Variants in TSPAN31 observed in about 807,000 individuals in gnomAD.
The protein encoded by TSPAN31 is tetraspanin-31.
TSPAN31 carries 16 observed loss-of-function variants against 24.8 expected under a neutral mutation model. The observed-to-expected ratio is 0.64, with a 90% CI of 0.44 to 0.98. TSPAN31 has a LOEUF of 0.98. Ranked by LOEUF, TSPAN31 falls within the 50% of genes least tolerant of loss-of-function variation. The probability of loss-of-function intolerance (pLI) is 0.00; values close to 1 mark genes in which losing one functional copy is unlikely to be tolerated. For synonymous variants in TSPAN31, 87 were observed against 91.4 expected (o/e 0.95, Z 0.27); for missense variants, 209 against 251.6 (o/e 0.83, Z 1.15).
chr12:57,749,704 A>T lies in TSPAN31; in HGVS notation c.*2414A>T, dbSNP rs3211619. 3,539 of 578,288 alleles carry T rather than the reference A, an allele frequency of 6.1e-3. 46 individuals carry two copies. Among genetic ancestry groups the T allele is most frequent in the African/African-American group, 0.037 (1,947 of 52,890 alleles). The allele number at this position is 578,288 out of a possible 1,614,324, so 35.8% of individuals were successfully genotyped here. ...CAAGCAAGACCTTGTCTCTTTTTTT[A>T]AAAAAAAAGAAATGCCAGGTGCAGC... On this transcript the variant is annotated 3_prime_UTR_variant, in exon 6 of 6. Coordinates refer to ENST00000257910, the MANE Select transcript of TSPAN31 (RefSeq NM_005981.5).
In TSPAN31 at chr12:57,745,226, T is replaced by C. The variant is rs372901495; in HGVS notation, c.63+9T>C. On this transcript the variant is annotated intron_variant, in intron 1 of 5. Coordinates refer to ENST00000257910, the MANE Select transcript of TSPAN31 (RefSeq NM_005981.5). The stretch of plus-strand genomic sequence containing the variant: ...TCAACGTGGTCTACATGGTGAGGTT[T>C]TGGAGGTGGGGGAAGCTTCAAGGCG... 3 of 1,609,440 alleles carry C rather than the reference T, an allele frequency of 1.9e-6. No homozygotes were observed. The African/African-American group carries it at 4.0e-5, about 22-fold the overall frequency.
Position 57,747,377 on chromosome 12 carries a change from G to C in TSPAN31, c.*87G>C, listed in dbSNP as rs1955170062. 7.6e-7 allele frequency: 1 copy of C among 1,310,560 alleles called. No homozygotes were observed. Among genetic ancestry groups the C allele is most frequent in the Non-Finnish European group, 1.1e-6 (1 of 943,050 alleles). 81.2% of individuals were successfully genotyped at this position (1,310,560 alleles called of 1,614,324 possible). ...AATATCTAGGGTCTGTAACCGTTTT[G>C]GTTTGAGAAAAAGGAAAGGCCCCTT... On this transcript the variant is annotated 3_prime_UTR_variant, in exon 6 of 6. Transcript: ENST00000257910.
Position 57,746,163 on chromosome 12 carries a change from C to A in TSPAN31, c.232-13C>A. On this transcript the variant is annotated splice_polypyrimidine_tract_variant and intron_variant, in intron 2 of 5. Coordinates refer to ENST00000257910, the MANE Select transcript of TSPAN31 (RefSeq NM_005981.5). Reference sequence around the variant, plus strand: ...AGGAATCTAGGACTTTTTTCCATAACCTTTCCTCTCAGTACATGATCATCC... The same window carrying A: ...AGGAATCTAGGACTTTTTTCCATAAACTTTCCTCTCAGTACATGATCATCC... The A allele has an allele frequency of 1.2e-6, 2 of 1,611,628 alleles. No homozygotes were observed. The highest frequency in any genetic ancestry group is 8.5e-7 in the Non-Finnish European group (1 of 1,177,940).
Position 57,749,570 on chromosome 12 carries a change from T to C in TSPAN31, c.*2280T>C. On this transcript the variant is annotated 3_prime_UTR_variant, in exon 6 of 6. Coordinates refer to ENST00000257910, the MANE Select transcript of TSPAN31 (RefSeq NM_005981.5). ...GATATCTTAGTTGAATGGTTACTGC[T>C]TAGTGGCTCAAAATAGGAAGTATAG... is the stretch of plus-strand genomic sequence containing the variant. 2 of 1,477,888 alleles carry C rather than the reference T, an allele frequency of 1.4e-6. No individual in the cohort carries two copies. Among genetic ancestry groups the C allele is most frequent in the Admixed American group, 3.4e-5 (2 of 59,464 alleles). The allele number at this position is 1,477,888 out of a possible 1,614,324, so 91.5% of individuals were successfully genotyped here. A position where few individuals can be genotyped will look rare whatever the true frequency, so the allele number is the denominator to read the frequency against.
In TSPAN31 at chr12:57,745,839, G is replaced by A; in HGVS notation, c.158G>A (p.Gly53Glu). 1 of 1,614,118 alleles carries A rather than the reference G, an allele frequency of 6.2e-7. No homozygotes were observed. The highest frequency in any genetic ancestry group is 8.5e-7 in the Non-Finnish European group (1 of 1,180,018). ...ATCATCGGCGGAGTCATTGCTGTGGGAGTCTTCCTTCTCCTTATTGCAGTG... is the reference window on the plus strand; with the variant it reads ...ATCATCGGCGGAGTCATTGCTGTGGAAGTCTTCCTTCTCCTTATTGCAGTG... ...IHIIGGVIAV[G>E]VFLLLIAVAG... Residue 53 changes from glycine (G) to glutamate (E), a missense_variant, in exon 2 of 6, where the codon GGA becomes GAA. Gly to Glu is a moderately conservative substitution (Grantham distance 98, BLOSUM62 -2). Coordinates refer to ENST00000257910, the MANE Select transcript of TSPAN31 (RefSeq NM_005981.5).
intron 3 of TSPAN31, 42 bp from the exon 4 acceptor site, chr12:57,746,547 G>C (rs1387412238): frequency 6.2e-7 from 1 of 1,612,766 alleles, no homozygotes; most frequent in African/African-American, 1.3e-5. Flanking sequence ...ACTGATAACA[G>C]GATGTAGGGA....
chr12:57,745,306 T>G, intron 1 of TSPAN31, 89 bp downstream of exon 1: 4 of 1,394,608 alleles, frequency 2.9e-6, no homozygotes, highest in Non-Finnish European at 3.9e-6. Flanking sequence ...GAGGGGTGTA[T>G]GGGGGTTCCG....
In TSPAN31 at chr12:57,748,739, T is replaced by C; in HGVS notation, c.*1449T>C. The stretch of plus-strand genomic sequence containing the variant: ...TTTTTTTTTTGAGACGGAGTCTCGC[T>C]CTATCACCCAGGCTGGAGTGCAATG... On this transcript the variant is annotated 3_prime_UTR_variant, in exon 6 of 6. Transcript: ENST00000257910. 3 of 714,572 alleles carry C rather than the reference T, an allele frequency of 4.2e-6. No individual in the cohort carries two copies. The highest frequency in any genetic ancestry group is 7.4e-6 in the Non-Finnish European group (3 of 405,898). The allele number at this position is 714,572 out of a possible 1,614,324, so 44.3% of individuals were successfully genotyped here. A position where few individuals can be genotyped will look rare whatever the true frequency, so the allele number is the denominator to read the frequency against.
At position 57,749,612 on chromosome 12, in the gene TSPAN31, A is replaced by C; in HGVS notation, c.*2322A>C. 2 of 1,076,800 alleles carry C rather than the reference A, an allele frequency of 1.9e-6. No individual in the cohort carries two copies. The highest frequency in any genetic ancestry group is 2.8e-6 in the Non-Finnish European group (2 of 707,998). The allele number at this position is 1,076,800 out of a possible 1,614,324, so 66.7% of individuals were successfully genotyped here. ...GAAGTATAGGGAATAAAGGCCAACA[A>C]TTCCAGCACTTTGGGATGCTGAGGT... is the stretch of plus-strand genomic sequence containing the variant. On this transcript the variant is annotated 3_prime_UTR_variant, in exon 6 of 6. Coordinates refer to ENST00000257910, the MANE Select transcript of TSPAN31 (RefSeq NM_005981.5).
Position 57,746,094 on chromosome 12 carries a change from C to G in TSPAN31, c.232-82C>G, listed in dbSNP as rs138353632. 233 of 1,466,002 alleles carry G rather than the reference C, an allele frequency of 1.6e-4. 3 individuals carry two copies. In the Middle Eastern group the frequency reaches 6.1e-3, roughly 38 times the overall value. The allele number at this position is 1,466,002 out of a possible 1,614,324, so 90.8% of individuals were successfully genotyped here. ...TCAATTTGACATGGTGGTGTAAGTT[C>G]TATGAACAGATGAGACCAGACAGTT... On this transcript the variant is annotated intron_variant, in intron 2 of 5. Coordinates refer to ENST00000257910, the MANE Select transcript of TSPAN31 (RefSeq NM_005981.5).
rs3472 is a variant in TSPAN31, at chr12:57,748,088, G to C, written c.*798G>C. 5,912 of 273,146 alleles carry C rather than the reference G, an allele frequency of 0.022. 309 individuals carry two copies. Among genetic ancestry groups the C allele is most frequent in the African/African-American group, 0.11 (5,192 of 45,786 alleles). The allele number at this position is 273,146 out of a possible 1,614,324, so 16.9% of individuals were successfully genotyped here. On this transcript the variant is annotated 3_prime_UTR_variant, in exon 6 of 6. Transcript: ENST00000257910. ...CAATTTCAGTTCCTTTCTAAGCTTT[G>C]TCAGTCAAGGGGCTCCACTGACTTC...
At position 57,746,596 on chromosome 12, in the gene TSPAN31, T is replaced by A. The variant is rs1317743748; in HGVS notation, c.320T>A (p.Val107Asp). The A allele has an allele frequency of 6.2e-7, 1 of 1,614,082 alleles. No individual in the cohort carries two copies. The highest frequency in any genetic ancestry group is 8.5e-7 in the Non-Finnish European group (1 of 1,180,036). The change falls in exon 4 of 6, where the codon GTC becomes GAC. Residue 107 changes from valine (V) to aspartate (D), a missense_variant. Physicochemically the swap from Val to Asp is radical, Grantham distance 152 (BLOSUM62 -3). Transcript: ENST00000257910. ...LAINRSKQTD[V>D]INASWWVMSN... ...TCTACCCATATCTTTCAGACAGATG[T>A]CATCAATGCTTCTTGGTGGGTCATG... is the stretch of plus-strand genomic sequence containing the variant.
rs1955130579 is a variant in TSPAN31 at position 57,745,102 on chromosome 12, C to T, written c.-53C>T. ...TGTCGGGGTCCTGGAAGACGGTCCC[C>T]AATACCCTCCCCCCAAGTCCTTGGG... On this transcript the variant is annotated 5_prime_UTR_variant, in exon 1 of 6. Coordinates refer to ENST00000257910, the MANE Select transcript of TSPAN31 (RefSeq NM_005981.5). The T allele has an allele frequency of 5.9e-6, 9 of 1,534,352 alleles. No individual in the cohort carries two copies. The Admixed American group carries it at 9.7e-5, about 16-fold the overall frequency.
chr12:57,745,530 C>T, intron 1 of TSPAN31: 1 of 629,322 alleles, frequency 1.6e-6, no homozygotes, highest in South Asian at 2.0e-5. Context: ...TGCATTCATA[C>T]TACCATCCCT....
In TSPAN31 at chr12:57,748,832, A is replaced by T; in HGVS notation, c.*1542A>T. The T allele has an allele frequency of 5.3e-6, 3 of 565,218 alleles. No individual in the cohort carries two copies. The highest frequency in any genetic ancestry group is 4.0e-5 in the South Asian group (2 of 49,928). The allele number at this position is 565,218 out of a possible 1,614,324, so 35.0% of individuals were successfully genotyped here. ...GTGATTCTCCTATCTCAGCCTCCCA[A>T]GTAGCTGAGATTACAGGCGTGTGCC... On this transcript the variant is annotated 3_prime_UTR_variant, in exon 6 of 6. Transcript: ENST00000257910.
Position 57,749,074 on chromosome 12 carries a change from A to ATC in TSPAN31, c.*1786_*1787dup. On this transcript the variant is annotated 3_prime_UTR_variant, in exon 6 of 6. Coordinates refer to ENST00000257910, the MANE Select transcript of TSPAN31 (RefSeq NM_005981.5). ...GCAGCTGTAATAAAAACTACAGCCC[A>ATC]TCTACCAACCAAGTTTCATTAACCA... The ATC allele has an allele frequency of 7.2e-7, 1 of 1,390,338 alleles. No individual in the cohort carries two copies. Among genetic ancestry groups the ATC allele is most frequent in the Non-Finnish European group, 1.0e-6 (1 of 976,216 alleles). The allele number at this position is 1,390,338 out of a possible 1,614,324, so 86.1% of individuals were successfully genotyped here. A position where few individuals can be genotyped will look rare whatever the true frequency, so the allele number is the denominator to read the frequency against.
Position 57,749,294 on chromosome 12 carries a change from T to C in TSPAN31, c.*2004T>C, listed in dbSNP as rs1403703683. ...CAGGGATACATCTCGAGGCCAGTCA[T>C]CCTCTGGAGGCAGCCCAATCAGGCT... On this transcript the variant is annotated 3_prime_UTR_variant, in exon 6 of 6. Transcript: ENST00000257910. 1 of 1,614,160 alleles carries C rather than the reference T, an allele frequency of 6.2e-7. No individual in the cohort carries two copies. The highest frequency in any genetic ancestry group is 2.2e-5 in the East Asian group (1 of 44,890).
chr12:57,746,078 C>G (rs971342916), intron 2 of TSPAN31, 98 bp from the exon 3 acceptor site: 1 of 1,430,958 alleles, frequency 7.0e-7, no homozygotes. Flanking sequence ...TTCAATTTGA[C>G]ATGGTGGTGT....
Position 57,746,616 on chromosome 12 carries a change from G to A in TSPAN31, c.340G>A (p.Val114Ile). The A allele has an allele frequency of 6.2e-7, 1 of 1,614,104 alleles. No individual in the cohort carries two copies. The highest frequency in any genetic ancestry group is 1.7e-5 in the Admixed American group (1 of 60,014). Residue 114 changes from valine to isoleucine, a missense_variant, in exon 4 of 6, where the codon GTC (valine) becomes ATC (isoleucine). Coordinates refer to ENST00000257910, the MANE Select transcript of TSPAN31 (RefSeq NM_005981.5). ...QTDVINASWW[V>I]MSNKTRDELE... The stretch of plus-strand genomic sequence containing the variant: ...AGATGTCATCAATGCTTCTTGGTGG[G>A]TCATGAGCAACAAGACTCGGGATGA...
Sources: gnomAD v4.1 joint callset for allele counts on GRCh38, gnomAD v4.1.1 for gene constraint, MANE v1.5 for transcripts, NCBI Gene and HGNC (gene_info 2026-07-23, HGNC 2026-07-21) for gene names.